The following APLP2 variants were observed in gnomAD, a reference collection of about 807,000 sequenced individuals.
The protein encoded by APLP2 is amyloid beta precursor like protein 2, also known as CDEI box-binding protein.
A neutral mutation model predicts 89.9 loss-of-function variants in APLP2; 53 were observed. The ratio of observed to expected loss-of-function variants is 0.59; its 90% CI spans 0.47 to 0.74. The LOEUF (loss-of-function observed/expected upper bound fraction) is 0.74, where lower values mean the gene tolerates loss of function less well. Ranked by LOEUF, APLP2 falls within the 30% of genes least tolerant of loss-of-function variation. APLP2 has a pLI of 0.00. For missense variants in APLP2, 973 were observed against 975.9 expected (o/e 1.00, Z 0.04); for synonymous variants, 372 against 348.6 (o/e 1.07, Z -0.75).
intron 1 of APLP2, among the ~76,000 whole-genome samples, chr11:130,089,076 A>G (rs193274868): frequency 2.6e-4 from 40 of 152,084 alleles, no homozygotes; most frequent in African/African-American, 8.4e-4. Flanking sequence ...CACCCGTCCA[A>G]TTTCTTTGGC....
chr11:130,140,267 G>A lies in APLP2; in HGVS notation c.1838-131G>A, dbSNP rs1425189198. On this transcript the variant is annotated intron_variant, in intron 13 of 16. Coordinates refer to ENST00000338167, the MANE Select transcript of APLP2 (RefSeq NM_001142276.2). ...GCACCCTCAGACTTGTGAACATGGTGGCAGATGAGTCGCGTGGGGAGGTGC... is the reference window on the plus strand; with the variant it reads ...GCACCCTCAGACTTGTGAACATGGTAGCAGATGAGTCGCGTGGGGAGGTGC... 5 of 579,788 alleles carry A rather than the reference G, an allele frequency of 8.6e-6. No individual in the cohort carries two copies. In the Middle Eastern group the frequency reaches 1.4e-3, roughly 168 times the overall value. 35.9% of individuals were successfully genotyped at this position (579,788 alleles called of 1,614,324 possible).
At chr11:130,121,899 C>G in intron 5 of APLP2, 89 bp downstream of exon 5, 1 of 1,527,782 alleles carries the variant, frequency 6.5e-7, no homozygotes, top group Non-Finnish European at 8.7e-7. Context: ...TCCCTCACTT[C>G]TGGATAAACT....
rs149639590 is a variant in APLP2 at position 130,141,982 on chromosome 11, G to T, written c.2062G>T (p.Val688Phe). The change falls in exon 16 of 17, where the codon GTC (valine) becomes TTC (phenylalanine). Residue 688 changes from valine (V) to phenylalanine (F), a missense_variant. By Grantham distance (50) the Val-to-Phe change is conservative. Transcript: ENST00000338167. The surrounding 1 kb of genome is among the most constrained non-coding windows in gnomAD (Gnocchi z 4.2). ...LSSSALIGLL[V>F]IAVAIATVIV... ...TAGCAGTGCTCTCATTGGCCTGCTG[G>T]TCATCGCAGTGGCCATTGCCACGGT... 6.2e-7 allele frequency: 1 copy of T among 1,614,084 alleles called. No individual in the cohort carries two copies. The highest frequency in any genetic ancestry group is 1.1e-5 in the South Asian group (1 of 91,082).
intron 1 of APLP2, chr11:130,070,761 T>C: frequency 7.1e-7 from 1 of 1,415,130 alleles, no homozygotes. Flanking sequence ...CGTTGACCGC[T>C]TTCGTGAGGG....
chr11:130,114,069 G>GGT (rs1555140557), intron 3 of APLP2, among the ~76,000 whole-genome samples: 1 of 152,024 alleles, frequency 6.6e-6, no homozygotes, highest in Non-Finnish European at 1.5e-5. Context: ...ACGTAACCGT[G>GGT]GTATAATCAT....
intron 11 of APLP2, among the ~76,000 whole-genome samples, chr11:130,130,853 T>G (rs981463488): frequency 2.0e-5 from 3 of 152,230 alleles, no homozygotes; most frequent in Non-Finnish European, 4.4e-5. Flanking sequence ...GGTGCTGGCC[T>G]GTCAGCCCAG....
chr11:130,071,414 A>G (rs1309384046), intron 1 of APLP2, among the ~76,000 whole-genome samples: 1 of 152,216 alleles, frequency 6.6e-6, no homozygotes, highest in Non-Finnish European at 1.5e-5. Context: ...AGGATTTTGG[A>G]TTGCGATTGT....
chr11:130,075,576 A>C (rs918210739), intron 1 of APLP2, among the ~76,000 whole-genome samples: 1 of 152,302 alleles, frequency 6.6e-6, no homozygotes, highest in Middle Eastern at 3.4e-3. Flanking sequence ...TGGGATGCTC[A>C]GTTTCAAAAG....
At chr11:130,106,102 A>G (rs575993586) in intron 1 of APLP2, among the ~76,000 whole-genome samples, 2 of 152,346 alleles carry the variant, frequency 1.3e-5, no homozygotes, top group East Asian at 1.9e-4. Flanking sequence ...GACTGCACAT[A>G]AAAGGATATG....
intron 1 of APLP2, among the ~76,000 whole-genome samples, chr11:130,070,911 A>G (rs112826009): frequency 0.64 from 91,928 of 144,356 alleles, 29,311 homozygotes; most frequent in South Asian, 0.77. Flanking sequence ...GCGAAGCGGC[A>G]GGGCCGGGGG....
intron 1 of APLP2, among the ~76,000 whole-genome samples, chr11:130,099,006 C>A (rs1350600817): frequency 6.6e-6 from 1 of 152,098 alleles, no homozygotes; most frequent in East Asian, 1.9e-4. Flanking sequence ...CTACATCCCC[C>A]CACCCCTGCT....
intron 1 of APLP2, among the ~76,000 whole-genome samples, chr11:130,088,120 G>A (rs1215393873): frequency 6.6e-6 from 1 of 152,152 alleles, no homozygotes; most frequent in African/African-American, 2.4e-5. Context: ...GATGCATGAG[G>A]CATATTATTG....
intron 1 of APLP2, among the ~76,000 whole-genome samples, chr11:130,080,989 G>A (rs1056827513): frequency 1.3e-5 from 2 of 151,858 alleles, no homozygotes; most frequent in African/African-American, 4.8e-5. Flanking sequence ...ACGTCCGGTC[G>A]TTGGATTTAT....
rs551636488 is a variant in APLP2 at position 130,144,697 on chromosome 11, TC to T, written c.*1250del. 3 of 152,588 alleles carry T rather than the reference TC, an allele frequency of 2.0e-5. No homozygotes were observed. The highest frequency in any genetic ancestry group is 4.4e-5 in the Non-Finnish European group (3 of 68,066). The allele number at this position is 152,588 out of a possible 1,614,324, so 9.5% of individuals were successfully genotyped here. A position where few individuals can be genotyped will look rare whatever the true frequency, so the allele number is the denominator to read the frequency against. ...CCTTTTTCCTCCCCTTTGACCCTAT[TC>T]ATGTCTCTACCCACTATGCACAGAT... On this transcript the variant is annotated 3_prime_UTR_variant, in exon 17 of 17. Coordinates refer to ENST00000338167, the MANE Select transcript of APLP2 (RefSeq NM_001142276.2).
chr11:130,134,035 T>G (rs1951246045), intron 12 of APLP2, among the ~76,000 whole-genome samples: 1 of 152,222 alleles, frequency 6.6e-6, no homozygotes, highest in Admixed American at 6.5e-5. Context: ...GTTTTCCTCC[T>G]TCGTTCTGAT....
At chr11:130,137,435 A>G (rs1043226678) in intron 13 of APLP2, 8 of 790,356 alleles carry the variant, frequency 1.0e-5, no homozygotes, top group Admixed American at 1.0e-4. Context: ...GGGTCAGAGC[A>G]GCCCCACCTC....
chr11:130,100,534 AAGAC>A (rs1946766783), intron 1 of APLP2: 2 of 152,188 alleles, frequency 1.3e-5, no homozygotes, highest in African/African-American at 2.4e-5. Context: ...CACATACTGA[AAGAC>A]AGACCTCTAT....
At chr11:130,073,896 T>A (rs534706652) in intron 1 of APLP2, among the ~76,000 whole-genome samples, 159 of 152,306 alleles carry the variant, frequency 1.0e-3, no homozygotes, top group South Asian at 3.5e-3. Flanking sequence ...ATTGTACAAT[T>A]TTCTTACCCT....
In APLP2 at chr11:130,123,026, C is replaced by T. The variant is rs956021227; in HGVS notation, c.922+513C>T. ...TTTTCTCATCTTGCCAATTAAAACACGAAAAGGTTGCAGTAGTTCCAGAGC... is the reference window on the plus strand; with the variant it reads ...TTTTCTCATCTTGCCAATTAAAACATGAAAAGGTTGCAGTAGTTCCAGAGC... On this transcript the variant is annotated intron_variant, in intron 6 of 16. Transcript: ENST00000338167. This position sits in a 1 kb window ranked among gnomAD's most constrained non-coding sequence, Gnocchi z 4.0. Among the ~76,000 whole-genome samples the T allele has an allele frequency of 6.0e-5, 9 of 151,166 alleles. No homozygotes were observed. The East Asian group carries it at 1.6e-3, about 26-fold the overall frequency.
Sources: gnomAD v4.1 joint callset for allele counts (sites outside exome capture counted in the v4.1 genomes callset) on GRCh38, gnomAD v4.1.1 for gene constraint, Gnocchi (gnomAD v3.1) non-coding constraint, MANE v1.5 for transcripts, NCBI Gene and HGNC (gene_info 2026-07-23, HGNC 2026-07-21) for gene names.